ZFHX3: variants seen among roughly 807,000 people sequenced by gnomAD.
ZFHX3 encodes the protein zinc finger homeobox protein 3.
A neutral mutation model predicts 279.1 loss-of-function variants in ZFHX3; 42 were observed. The ratio of observed to expected loss-of-function variants is 0.15; its 90% CI spans 0.12 to 0.19. ZFHX3 has a LOEUF of 0.19. Ranked by LOEUF, ZFHX3 falls within the 10% of genes least tolerant of loss-of-function variation. The pLI, the probability that ZFHX3 is intolerant of heterozygous loss-of-function variation, is 1.00. For synonymous variants in ZFHX3, 2,293 were observed against 1,957.8 expected, an observed-to-expected ratio of 1.17 and a Z score of -4.52; for missense variants, 4,981 against 4,754.0, an observed-to-expected ratio of 1.05 and a Z score of -1.40.
At chr16:73,851,661 A>G (rs927329297) in intron 1 of ZFHX3, among the ~76,000 whole-genome samples, 8 of 152,246 alleles carry the variant, frequency 5.3e-5, no homozygotes, top group Non-Finnish European at 1.5e-5. Context: ...AGAGGGGACG[A>G]CGAAGCTAAA....
In ZFHX3 at chr16:73,057,145, C is replaced by A. The variant is rs368808730; in HGVS notation, c.-24+1385G>T. On this transcript the variant is annotated intron_variant, in intron 1 of 8. Coordinates refer to the ZFHX3 transcript ENST00000397992. ...AATAATTGAGACCAATAAAAATTGT[C>A]ATATTTACCCTACTTGAAAGCAACA... Among the ~76,000 whole-genome samples, 166 of 152,268 alleles carry A rather than the reference C, an allele frequency of 1.1e-3. 1 individual carries two copies. In the South Asian group the frequency reaches 0.034, roughly 31 times the overall value.
At chr16:73,124,625 C>T (rs533119775) in intron 7 of ZFHX3, among the ~76,000 whole-genome samples, 19 of 152,238 alleles carry the variant, frequency 1.2e-4, no homozygotes, top group South Asian at 8.3e-4. Flanking sequence ...AGAACTGTGT[C>T]GGCCAGGGTC....
intron 2 of ZFHX3, among the ~76,000 whole-genome samples, chr16:73,535,404 T>G (rs949771848): frequency 6.6e-6 from 1 of 152,222 alleles, no homozygotes; most frequent in African/African-American, 2.4e-5. Context: ...GAGAGTTCAG[T>G]GCACCACTGG....
chr16:72,839,733 G>A (rs1341401584), intron 4 of ZFHX3, among the ~76,000 whole-genome samples: 8 of 151,892 alleles, frequency 5.3e-5, no homozygotes, highest in Non-Finnish European at 1.5e-5. Flanking sequence ...CATCATCTAG[G>A]GTGTCTAGAT....
At chr16:72,851,136 G>A (rs2037606449) in intron 4 of ZFHX3, among the ~76,000 whole-genome samples, 1 of 152,118 alleles carries the variant, frequency 6.6e-6, no homozygotes, top group Admixed American at 6.5e-5. Flanking sequence ...CATGTTCACA[G>A]TACGGAGGAG....
intron 1 of ZFHX3, among the ~76,000 whole-genome samples, chr16:73,883,035 A>AT (rs2030223833): frequency 6.6e-6 from 1 of 151,944 alleles, no homozygotes; most frequent in South Asian, 2.1e-4. Context: ...CTTTTTAAAA[A>AT]AAAAAATAGT....
intron 3 of ZFHX3, among the ~76,000 whole-genome samples, chr16:72,897,400 T>C (rs1293320544): frequency 6.6e-6 from 1 of 152,032 alleles, no homozygotes; most frequent in Non-Finnish European, 1.5e-5. Context: ...ATCATATGCA[T>C]GCAGAGCATT....
intron 8 of ZFHX3, among the ~76,000 whole-genome samples, chr16:73,068,327 G>C (rs1965780262): frequency 6.6e-6 from 1 of 152,212 alleles, no homozygotes; most frequent in African/African-American, 2.4e-5. Context: ...TAGATGTGTA[G>C]GGCAGATGGG....
At chr16:73,781,341 T>C (rs1007915706) in intron 1 of ZFHX3, among the ~76,000 whole-genome samples, 2 of 152,242 alleles carry the variant, frequency 1.3e-5, no homozygotes, top group Non-Finnish European at 2.9e-5. Context: ...GGCTAGAGCC[T>C]GATCATTTGT....
intron 1 of ZFHX3, among the ~76,000 whole-genome samples, chr16:73,703,892 AG>A (rs2053277049): frequency 6.6e-6 from 1 of 152,190 alleles, no homozygotes. Context: ...ATAAAAAGCA[AG>A]GTGAAAGAGG....
intron 4 of ZFHX3, among the ~76,000 whole-genome samples, chr16:73,269,031 A>G (rs1259659190): frequency 2.6e-5 from 4 of 152,198 alleles, no homozygotes; most frequent in Non-Finnish European, 5.9e-5. Flanking sequence ...TTCAAGCTAA[A>G]AAGCTCTTTG....
At chr16:73,618,602 A>G (rs943851318) in intron 2 of ZFHX3, among the ~76,000 whole-genome samples, 3 of 152,220 alleles carry the variant, frequency 2.0e-5, no homozygotes, top group African/African-American at 7.2e-5. Flanking sequence ...CAAGACTCAC[A>G]GGTGGATTTC....
chr16:73,063,614 C>A (rs1335179614), upstream of ZFHX3, among the ~76,000 whole-genome samples: 4 of 152,128 alleles, frequency 2.6e-5, no homozygotes, highest in African/African-American at 9.7e-5. Context: ...ATCACCCCCC[C>A]TCCCCGTTTA....
chr16:73,355,897 C>T (rs1191244817), intron 3 of ZFHX3, among the ~76,000 whole-genome samples: 1 of 152,168 alleles, frequency 6.6e-6, no homozygotes, highest in Non-Finnish European at 1.5e-5. Context: ...CTTTCTTTTA[C>T]TCAGGGTCAC....
intron 1 of ZFHX3, among the ~76,000 whole-genome samples, chr16:73,693,359 T>C (rs982974200): frequency 6.6e-6 from 1 of 152,002 alleles, no homozygotes; most frequent in Non-Finnish European, 1.5e-5. Context: ...CCTGACCTAT[T>C]TGAGGGTTAA....
At chr16:73,578,383 G>GAAA (rs11442717) in intron 2 of ZFHX3, among the ~76,000 whole-genome samples, 8 of 144,304 alleles carry the variant, frequency 5.5e-5, no homozygotes, top group Admixed American at 6.9e-5. Flanking sequence ...GATGTTAAAT[G>GAAA]AAAAAAAAAA....
chr16:73,840,970 C>T (rs1961289772), intron 1 of ZFHX3, among the ~76,000 whole-genome samples: 1 of 152,122 alleles, frequency 6.6e-6, no homozygotes, highest in South Asian at 2.1e-4. Context: ...AAGGAATTGG[C>T]AGGACACCAG....
intron 1 of ZFHX3, among the ~76,000 whole-genome samples, chr16:72,988,456 G>A (rs979549619): frequency 2.0e-5 from 3 of 152,184 alleles, no homozygotes; most frequent in Non-Finnish European, 2.9e-5. Context: ...GCTGGAACCC[G>A]CCAAACATTT....
intron 4 of ZFHX3, among the ~76,000 whole-genome samples, chr16:72,860,080 C>G (rs1030738079): frequency 1.3e-5 from 2 of 152,222 alleles, no homozygotes; most frequent in African/African-American, 4.8e-5. Context: ...GGAAGTACAA[C>G]ACTCCCTCAG....
Sources: allele counts gnomAD v4.1 joint callset (sites outside exome capture counted in the v4.1 genomes callset), GRCh38; gene constraint gnomAD v4.1.1; transcripts MANE v1.5; gene names NCBI Gene and HGNC (gene_info 2026-07-23, HGNC 2026-07-21).